The following ITGA2B variants were observed in gnomAD, a reference collection of about 807,000 sequenced individuals.
ITGA2B encodes integrin subunit alpha 2b.
In ITGA2B, 91 loss-of-function variants were observed where a neutral mutation model predicts 142.0. The observed-to-expected ratio is 0.64, with a 90% CI of 0.54 to 0.76. The LOEUF (loss-of-function observed/expected upper bound fraction) is 0.76, where lower values mean the gene tolerates loss of function less well. ITGA2B is among the 30% of genes least tolerant of loss of function. The pLI is 0.00. For synonymous variants in ITGA2B, 536 were observed against 567.2 expected (o/e 0.94, Z 0.78); for missense variants, 1,231 against 1,350.8 (o/e 0.91, Z 1.39).
intron 12 of ITGA2B, 48 bp downstream of exon 12, chr17:44,383,445 G>A: frequency 6.5e-7 from 1 of 1,544,784 alleles, no homozygotes; most frequent in Non-Finnish European, 8.8e-7. Context: ...TGCTTTTTGA[G>A]TGGCTGTTAA....
Position 44,372,333 on chromosome 17 carries a change from C to A in ITGA2B, c.*31G>T. On this transcript the variant is annotated 3_prime_UTR_variant, in exon 30 of 30. Coordinates refer to ENST00000262407, the MANE Select transcript of ITGA2B (RefSeq NM_000419.5). ...GGGGCGGTGCAGGTAGCACGCCCAACCCTCCTGCTAGAATAGTGTAGGCTG... is the reference window on the plus strand; with the variant it reads ...GGGGCGGTGCAGGTAGCACGCCCAAACCTCCTGCTAGAATAGTGTAGGCTG... 1 of 1,611,420 alleles carries A rather than the reference C, an allele frequency of 6.2e-7. No individual in the cohort carries two copies.
intron 1 of ITGA2B, among the ~76,000 whole-genome samples, chr17:44,387,685 T>G (rs1404095487): frequency 6.8e-6 from 1 of 147,174 alleles, no homozygotes; most frequent in Non-Finnish European, 1.5e-5. Context: ...ATTAGCCGGG[T>G]GTGGTGGCAC....
intron 22 of ITGA2B, among the ~76,000 whole-genome samples, 174 bp downstream of exon 22, chr17:44,376,829 TCTCCAA>T: frequency 6.6e-6 from 1 of 151,986 alleles, no homozygotes. Flanking sequence ...GCCAGGCTGG[TCTCCAA>T]CTCCTGACCT....
intron 22 of ITGA2B, 111 bp from the exon 23 acceptor site, chr17:44,376,499 C>CTAATT: frequency 1.1e-6 from 1 of 927,282 alleles, no homozygotes; most frequent in East Asian, 2.5e-5. Context: ...ATACAAAGAG[C>CTAATT]ATGCCACACT....
Position 44,383,663 on chromosome 17 carries a change from C to T in ITGA2B, c.1040G>A (p.Ser347Asn), listed in dbSNP as rs1245285098. Residue 347 changes from serine to asparagine, a missense_variant, in exon 12 of 30, where the codon AGC becomes AAC. By Grantham distance (46) the Ser-to-Asn change is conservative. This residue lies in a region of ITGA2B where 908 missense variants were observed against 1,021.1 expected (regional missense o/e 0.89). Coordinates refer to ENST00000262407, the MANE Select transcript of ITGA2B (RefSeq NM_000419.5). ...LLVGAPLYME[S>N]RADRKLAEVG... ...TTCGGCCAGTTTTCGGTCTGCCCGG[C>T]TCTCCATATACAGTGGAGCGCCCAC... 6.3e-7 allele frequency: 1 copy of T among 1,593,788 alleles called. No homozygotes were observed. Among genetic ancestry groups the T allele is most frequent in the Admixed American group, 1.7e-5 (1 of 57,324 alleles).
At chr17:44,375,276 A>T (rs1421078006) in intron 26 of ITGA2B, 165 bp from the exon 27 acceptor site, 2 of 693,480 alleles carry the variant, frequency 2.9e-6, no homozygotes, top group Non-Finnish European at 5.1e-6. Context: ...CTGTCTTTCC[A>T]CGGGCTTGCT....
rs762316789 is a variant in ITGA2B, at chr17:44,380,919, G to T, written c.1353C>A (p.Ser451=). 1 of 1,614,268 alleles carries T rather than the reference G, an allele frequency of 6.2e-7. No individual in the cohort carries two copies. Among genetic ancestry groups the T allele is most frequent in the Non-Finnish European group, 8.5e-7 (1 of 1,180,052 alleles). Residue 451 remains serine (S), a synonymous_variant, in exon 13 of 30, where the codon TCC becomes TCA. Transcript: ENST00000262407. The part of the protein sequence containing the change: ...PFPTGSAFGF[S]LRGAVDIDDN... ...CATCGATGTCTACGGCACCTCGAAG[G>T]GAGAAGCCAAAGGCAGAGCCTGTGG... is the stretch of plus-strand genomic sequence containing the variant.
Position 44,375,634 on chromosome 17 carries a change from G to A in ITGA2B, c.2684C>T (p.Pro895Leu), listed in dbSNP as rs1258958667. 1 of 1,613,676 alleles carries A rather than the reference G, an allele frequency of 6.2e-7. No individual in the cohort carries two copies. ...AAGCCTCGAGGGCTGCTCGGGCTCTGGCAGGAAGATCTGTCTGCGATCCCG... is the reference window on the plus strand; with the variant it reads ...AAGCCTCGAGGGCTGCTCGGGCTCTAGCAGGAAGATCTGTCTGCGATCCCG... ...HKRDRRQIFL[P>L]EPEQPSRLQD... Residue 895 changes from proline to leucine, a missense_variant, in exon 26 of 30, where the codon CCA (proline) becomes CTA (leucine). Physicochemically the swap from Pro to Leu is moderately conservative, Grantham distance 98. Transcript: ENST00000262407.
At position 44,374,526 on chromosome 17, in the gene ITGA2B, A is replaced by T. The variant is rs1185991761; in HGVS notation, c.2944-56T>A. The T allele has an allele frequency of 1.9e-6, 3 of 1,570,298 alleles. No individual in the cohort carries two copies. The East Asian group carries it at 6.7e-5, about 35-fold the overall frequency. On this transcript the variant is annotated intron_variant, in intron 28 of 29. Coordinates refer to ENST00000262407, the MANE Select transcript of ITGA2B (RefSeq NM_000419.5). ...ACCTTGACACCTGCCTTTCACAAAGACTCAAACCTCAGGCTGGTGACCTCC... is the reference window on the plus strand; with the variant it reads ...ACCTTGACACCTGCCTTTCACAAAGTCTCAAACCTCAGGCTGGTGACCTCC...
In ITGA2B at chr17:44,380,914, C is replaced by T. The variant is rs75998071; in HGVS notation, c.1358G>A (p.Arg453Gln). 26 of 1,614,230 alleles carry T rather than the reference C, an allele frequency of 1.6e-5. No homozygotes were observed. Among genetic ancestry groups the T allele is most frequent in the East Asian group, 2.2e-5 (1 of 44,884 alleles). Reference sequence around the variant, plus strand: ...GTTGTCATCGATGTCTACGGCACCTCGAAGGGAGAAGCCAAAGGCAGAGCC... The same window carrying T: ...GTTGTCATCGATGTCTACGGCACCTTGAAGGGAGAAGCCAAAGGCAGAGCC... ...PTGSAFGFSL[R>Q]GAVDIDDNGY... The change falls in exon 13 of 30, where the codon CGA becomes CAA. Residue 453 changes from arginine (R) to glutamine (Q), a missense_variant. This residue lies in a region of ITGA2B where 908 missense variants were observed against 1,021.1 expected (regional missense o/e 0.89). Transcript: ENST00000262407.
chr17:44,380,443 G>A lies in ITGA2B; in HGVS notation c.1487C>T (p.Ser496Leu). Residue 496 changes from serine to leucine, a missense_variant, in exon 15 of 30, where the codon TCA (serine) becomes TTA (leucine). Around this residue, in one of 3 missense-constraint regions of ITGA2B, gnomAD observed 908 missense variants for 1,021.1 expected, o/e 0.89. Coordinates refer to ENST00000262407, the MANE Select transcript of ITGA2B (RefSeq NM_000419.5). ...ACAGCTCTTCACAGCAGGATTCAGT[G>A]AATCTTGCACCAGTAGCTGGACAGA... ...KASVQLLVQD[S>L]LNPAVKSCVL... 6.2e-7 allele frequency: 1 copy of A among 1,614,166 alleles called. No individual in the cohort carries two copies. The highest frequency in any genetic ancestry group is 8.5e-7 in the Non-Finnish European group (1 of 1,180,026).
chr17:44,376,944 A>AG, intron 22 of ITGA2B, 65 bp downstream of exon 22: 2 of 1,321,458 alleles, frequency 1.5e-6, no homozygotes, highest in South Asian at 2.5e-5. Flanking sequence ...AAGGGACCTG[A>AG]GGGGCTCTGC....
chr17:44,387,625 A>G (rs1213539784), intron 1 of ITGA2B, among the ~76,000 whole-genome samples: 1 of 151,742 alleles, frequency 6.6e-6, no homozygotes, highest in Non-Finnish European at 1.5e-5. Flanking sequence ...TGGGAGTTCG[A>G]GACCACCCTG....
chr17:44,385,992 TC>T lies in ITGA2B; in HGVS notation c.310+17del. ...CGTCCCTCTGACCCCAACCTTGCTCTCCTTGCCTGGGACTCACGGAGGTCAA... is the reference window on the plus strand; with the variant it reads ...CGTCCCTCTGACCCCAACCTTGCTCTCTTGCCTGGGACTCACGGAGGTCAA... On this transcript the variant is annotated intron_variant, in intron 2 of 29. Coordinates refer to ENST00000262407, the MANE Select transcript of ITGA2B (RefSeq NM_000419.5). 1 of 1,614,024 alleles carries T rather than the reference TC, an allele frequency of 6.2e-7. No homozygotes were observed. The highest frequency in any genetic ancestry group is 1.1e-5 in the South Asian group (1 of 91,078).
At chr17:44,380,533 C>T (rs1396531019) in intron 14 of ITGA2B, 43 bp from the exon 15 acceptor site, 1 of 1,613,754 alleles carries the variant, frequency 6.2e-7, no homozygotes, top group African/African-American at 1.3e-5. Flanking sequence ...ATTGTGGCTC[C>T]TCCTGGCCTG....
At position 44,384,190 on chromosome 17, in the gene ITGA2B, C is replaced by T. The variant is rs140609295; in HGVS notation, c.892-52G>A. The T allele has an allele frequency of 4.5e-4, 723 of 1,607,436 alleles. 4 individuals carry two copies. The African/African-American group carries it at 8.7e-3, about 19-fold the overall frequency. On this transcript the variant is annotated intron_variant, in intron 9 of 29. Coordinates refer to ENST00000262407, the MANE Select transcript of ITGA2B (RefSeq NM_000419.5). ...TCATTCTTGTACCCAAAGCAACCTC[C>T]CACTCCAGGTGAGAAAGGGTGGTTT...
chr17:44,375,175 C>G (rs772192587), intron 26 of ITGA2B, 64 bp from the exon 27 acceptor site: 12 of 1,413,068 alleles, frequency 8.5e-6, no homozygotes, highest in Non-Finnish European at 1.2e-5. Context: ...CCCCCACCCC[C>G]TTACCCCCAG....
rs1439804471 is a variant in ITGA2B, at chr17:44,385,812, C to T, written c.408+12G>A. ...CCCGATTGTTCCCTGTGCCCTGTAC[C>T]GCGGGGCCCACCACAATGACGTCGC... is the stretch of plus-strand genomic sequence containing the variant. On this transcript the variant is annotated intron_variant, in intron 3 of 29. Coordinates refer to ENST00000262407, the MANE Select transcript of ITGA2B (RefSeq NM_000419.5). 1 of 1,605,040 alleles carries T rather than the reference C, an allele frequency of 6.2e-7. No individual in the cohort carries two copies. Among genetic ancestry groups the T allele is most frequent in the East Asian group, 2.2e-5 (1 of 44,594 alleles).
rs2048635467 is a variant in ITGA2B, at chr17:44,385,284, G to T, written c.624+2C>A. ...CCCACTGCGCTTTTGCTCCCTACTC[G>T]CCTGAGTGACCACGGAGCTGAAGCC... On this transcript the variant is annotated splice_donor_variant, in intron 5 of 29. Coordinates refer to ENST00000262407, the MANE Select transcript of ITGA2B (RefSeq NM_000419.5). LOFTEE classifies it high-confidence loss of function. 6.2e-7 allele frequency: 1 copy of T among 1,613,440 alleles called. No individual in the cohort carries two copies. Among genetic ancestry groups the T allele is most frequent in the Non-Finnish European group, 8.5e-7 (1 of 1,179,992 alleles).
Sources: allele counts gnomAD v4.1 joint callset (sites outside exome capture counted in the v4.1 genomes callset), GRCh38; gene constraint gnomAD v4.1.1; regional missense constraint gnomAD v4.1.1; transcripts MANE v1.5; gene names NCBI Gene and HGNC (gene_info 2026-07-23, HGNC 2026-07-21).